Variants in MACROD2 observed in about 807,000 individuals in gnomAD.
MACROD2 encodes the protein ADP-ribose glycohydrolase MACROD2.
MACROD2 carries 36 observed loss-of-function variants against 70.4 expected under a neutral mutation model. The observed-to-expected ratio is 0.51, with a 90% CI of 0.39 to 0.68. MACROD2 has a LOEUF of 0.68. Ranked by LOEUF, MACROD2 falls within the 30% of genes least tolerant of loss-of-function variation. The pLI is 0.00. For missense variants in MACROD2, 496 were observed against 538.4 expected (o/e 0.92, Z 0.78); for synonymous variants, 172 against 178.8 (o/e 0.96, Z 0.30).
intron 5 of MACROD2, among the ~76,000 whole-genome samples, chr20:15,193,354 G>T (rs570100647): frequency 1.5e-4 from 23 of 152,218 alleles, no homozygotes; most frequent in African/African-American, 5.5e-4. Flanking sequence ...AGACTTCAGA[G>T]AAAAGAATGG....
chr20:14,043,426 C>T (rs944495644), intron 2 of MACROD2, among the ~76,000 whole-genome samples: 1 of 152,202 alleles, frequency 6.6e-6, no homozygotes, highest in Non-Finnish European at 1.5e-5. Flanking sequence ...GCTTCTCTGC[C>T]TTCTCTGAGT....
chr20:14,419,320 C>T (rs1198960286), intron 3 of MACROD2, among the ~76,000 whole-genome samples: 1 of 152,180 alleles, frequency 6.6e-6, no homozygotes, highest in Non-Finnish European at 1.5e-5. Context: ...TCCCAAATTG[C>T]TGGGATTACA....
At chr20:15,586,444 T>G (rs2048602701) in intron 8 of MACROD2, among the ~76,000 whole-genome samples, 1 of 152,244 alleles carries the variant, frequency 6.6e-6, no homozygotes, top group Non-Finnish European at 1.5e-5. Context: ...TTTTAAAATT[T>G]TATCTATTGG....
At chr20:15,181,027 G>A (rs1214914671) in intron 5 of MACROD2, among the ~76,000 whole-genome samples, 2 of 152,070 alleles carry the variant, frequency 1.3e-5, no homozygotes, top group Non-Finnish European at 2.9e-5. Context: ...TTGTGCATTT[G>A]GGCTGTTTTT....
intron 6 of MACROD2, among the ~76,000 whole-genome samples, chr20:15,292,820 A>G (rs895891612): frequency 6.6e-6 from 1 of 152,162 alleles, no homozygotes; most frequent in Non-Finnish European, 1.5e-5. Context: ...TAATGCTTCC[A>G]TTCAACTGTA....
Position 14,666,253 on chromosome 20 carries a change from A to G in MACROD2, c.302-18590A>G, listed in dbSNP as rs573303235. 2.0e-5 allele frequency among the ~76,000 whole-genome samples: 3 copies of G among 152,288 alleles called. No individual in the cohort carries two copies. The South Asian group carries it at 6.2e-4, about 32-fold the overall frequency. ...CAACAGGGTAAAACCCCCAAATAAT[A>G]ACTTTCTCCAGATATTTATGATACA... On this transcript the variant is annotated intron_variant, in intron 4 of 17. Transcript: ENST00000684519.
intron 8 of MACROD2, among the ~76,000 whole-genome samples, chr20:15,515,841 T>C (rs1600520716): frequency 6.6e-6 from 1 of 152,210 alleles, no homozygotes; most frequent in Admixed American, 6.5e-5. Context: ...TAGCCCAGGC[T>C]TGGAGAAAAT....
At chr20:15,288,394 A>T (rs2077510869) in intron 6 of MACROD2, among the ~76,000 whole-genome samples, 1 of 152,182 alleles carries the variant, frequency 6.6e-6, no homozygotes, top group African/African-American at 2.4e-5. Context: ...GGCTAATTTT[A>T]GGTCTCAAAT....
intron 4 of MACROD2, among the ~76,000 whole-genome samples, chr20:14,575,965 AC>A (rs1980573137): frequency 1.3e-5 from 2 of 152,194 alleles, no homozygotes; most frequent in African/African-American, 4.8e-5. Context: ...ATATTAAAAT[AC>A]CTGCCTATAT....
chr20:14,900,613 T>G (rs1568863083), intron 5 of MACROD2, among the ~76,000 whole-genome samples: 1 of 151,994 alleles, frequency 6.6e-6, no homozygotes, highest in Non-Finnish European at 1.5e-5. Flanking sequence ...GTTATAGTAT[T>G]CTTGTAAAAT....
chr20:14,492,392 CTA>C (rs1338465894), intron 3 of MACROD2, among the ~76,000 whole-genome samples: 1 of 152,108 alleles, frequency 6.6e-6, no homozygotes, highest in Non-Finnish European at 1.5e-5. Context: ...CATTTGGTCT[CTA>C]TGTATTTTCA....
intron 3 of MACROD2, among the ~76,000 whole-genome samples, chr20:14,363,647 T>C (rs950347815): frequency 6.7e-6 from 1 of 149,130 alleles, no homozygotes; most frequent in Non-Finnish European, 1.5e-5. Flanking sequence ...AGTGAAACCC[T>C]GTCTGTACTA....
chr20:15,276,379 G>A (rs1423219840), intron 6 of MACROD2, among the ~76,000 whole-genome samples: 17 of 135,800 alleles, frequency 1.3e-4, no homozygotes, highest in African/African-American at 2.8e-4. Context: ...TGGCCTGGGC[G>A]ACAGAGAGAG....
chr20:15,425,042 G>C (rs6043269), intron 6 of MACROD2, among the ~76,000 whole-genome samples: 98,892 of 152,080 alleles, frequency 0.65, 32,983 homozygotes, highest in African/African-American at 0.77. Context: ...AAAGAGCTAC[G>C]CGCAAAACTT....
At chr20:14,566,518 T>C (rs906784396) in intron 4 of MACROD2, 4 of 151,754 alleles carry the variant, frequency 2.6e-5, no homozygotes, top group African/African-American at 9.7e-5. Context: ...TAAAAAGACA[T>C]TGCAACAATT....
chr20:14,256,370 A>T (rs925870868), intron 3 of MACROD2, among the ~76,000 whole-genome samples: 9 of 151,962 alleles, frequency 5.9e-5, no homozygotes, highest in African/African-American at 1.7e-4. Context: ...AATTCTTGTG[A>T]GTTATTTTAT....
intron 6 of MACROD2, among the ~76,000 whole-genome samples, chr20:15,325,101 A>G (rs6135386): frequency 6.6e-6 from 1 of 151,434 alleles, no homozygotes; most frequent in South Asian, 2.1e-4. Flanking sequence ...TGCTAACTGT[A>G]TCCTCACCAC....
intron 3 of MACROD2, among the ~76,000 whole-genome samples, chr20:14,491,460 T>C (rs972329025): frequency 3.9e-5 from 6 of 152,226 alleles, no homozygotes; most frequent in African/African-American, 1.4e-4. Context: ...TTGTGTACTA[T>C]GTAGAATATC....
At chr20:14,338,006 T>C (rs903900340) in intron 3 of MACROD2, among the ~76,000 whole-genome samples, 2 of 152,242 alleles carry the variant, frequency 1.3e-5, no homozygotes, top group African/African-American at 4.8e-5. Context: ...AAATTAGTTT[T>C]ATTATTCACT....
Sources: gnomAD v4.1 joint callset for allele counts (sites outside exome capture counted in the v4.1 genomes callset) on GRCh38, gnomAD v4.1.1 for gene constraint, MANE v1.5 for transcripts, NCBI Gene and HGNC (gene_info 2026-07-23, HGNC 2026-07-21) for gene names.